Variants in OTOF observed in about 807,000 individuals in gnomAD.
OTOF encodes the protein fer-1-like family member 2.
Under a neutral mutation model 236.8 loss-of-function variants are expected in OTOF, and 218 were observed. The observed-to-expected ratio is 0.92, with a 90% CI of 0.82 to 1.03. The LOEUF (loss-of-function observed/expected upper bound fraction) is 1.03, where lower values mean the gene tolerates loss of function less well. OTOF is among the 50% of genes least tolerant of loss of function. The pLI, the probability that OTOF is intolerant of heterozygous loss-of-function variation, is 0.00. For synonymous variants in OTOF, 1,041 were observed against 1,072.5 expected (o/e 0.97, Z 0.57); for missense variants, 2,590 against 2,694.4 (o/e 0.96, Z 0.86).
chr2:26,476,735 C>T (rs1434034104), intron 22 of OTOF, among the ~76,000 whole-genome samples, 156 bp downstream of exon 22: 1 of 125,426 alleles, frequency 8.0e-6, no homozygotes, highest in Non-Finnish European at 1.7e-5. Flanking sequence ...CACCTCCTTC[C>T]CCACCCCTTC....
chr2:26,470,776 C>G lies in OTOF; in HGVS notation c.3895-55G>C. The G allele has an allele frequency of 6.3e-7, 1 of 1,592,748 alleles. No homozygotes were observed. Among genetic ancestry groups the G allele is most frequent in the Non-Finnish European group, 8.5e-7 (1 of 1,173,156 alleles). ...ATGGACTCCTCCTGCCTGGACAATC[C>G]CGAGAGCCTCCACCCATTCCGCCAT... On this transcript the variant is annotated intron_variant, in intron 31 of 46. Transcript: ENST00000272371. This position sits in a 1 kb window ranked among gnomAD's most constrained non-coding sequence, Gnocchi z 4.3.
chr2:26,514,445 G>A (rs1000323740), intron 5 of OTOF, among the ~76,000 whole-genome samples: 1 of 152,238 alleles, frequency 6.6e-6, no homozygotes, highest in African/African-American at 2.4e-5. Context: ...AGGGCTCTCT[G>A]GGACTCTAAG....
Position 26,465,977 on chromosome 2 carries a change from A to C in OTOF, c.4600T>G (p.Ser1534Ala). 1.2e-6 allele frequency: 2 copies of C among 1,614,154 alleles called. No homozygotes were observed. Among genetic ancestry groups the C allele is most frequent in the Non-Finnish European group, 1.7e-6 (2 of 1,180,016 alleles). ...CCAAAGACAGGGTTGAGCTGCTTGG[A>C]GATGTAGTTCTCCTTGTCGCGGATG... Reference protein sequence around the residue: ...TDIRDKENYISKQLNPVFGKS... With the variant: ...TDIRDKENYIAKQLNPVFGKS... Residue 1534 changes from serine (S) to alanine (A), a missense_variant, in exon 37 of 47, where the codon TCC (serine) becomes GCC (alanine). Physicochemically the swap from Ser to Ala is moderately conservative, Grantham distance 99 (BLOSUM62 1). Coordinates refer to ENST00000272371, the MANE Select transcript of OTOF (RefSeq NM_194248.3).
chr2:26,472,336 C>T, intron 30 of OTOF, 183 bp downstream of exon 30: 1 of 735,108 alleles, frequency 1.4e-6, no homozygotes, highest in Admixed American at 2.0e-5. Flanking sequence ...CACGCGTGTG[C>T]ATTCCAGGAT....
At position 26,473,503 on chromosome 2, in the gene OTOF, A is replaced by C; in HGVS notation, c.3473T>G (p.Val1158Gly). 6.2e-7 allele frequency: 1 copy of C among 1,612,784 alleles called. No individual in the cohort carries two copies. The highest frequency in any genetic ancestry group is 8.5e-7 in the Non-Finnish European group (1 of 1,179,914). The change falls in exon 28 of 47, where the codon GTG becomes GGG. Residue 1158 changes from valine to glycine, a missense_variant. Transcript: ENST00000272371. The surrounding 1 kb of genome is among the most constrained non-coding windows in gnomAD (Gnocchi z 7.2). ...CCCCTTCCCTGCACACTCGATGTCC[A>C]CCCGTGGCCGGTCCACCTGGGCCAG... Reference protein sequence around the residue: ...VNLAQVDRPRVDIECAGKGVQ... With the variant: ...VNLAQVDRPRGDIECAGKGVQ...
Position 26,466,018 on chromosome 2 carries a change from C to A in OTOF, c.4559G>T (p.Arg1520Leu). The A allele has an allele frequency of 6.2e-7, 1 of 1,614,216 alleles. No individual in the cohort carries two copies. ...GTCGCGGATGTCAGTCTTGCCTAGC[C>A]GGATGGCGATGTAGGGGTCAGCTTT... is the stretch of plus-strand genomic sequence containing the variant. ...NGKADPYIAIRLGKTDIRDKE... is the reference protein window; with the variant it reads ...NGKADPYIAILLGKTDIRDKE... The change falls in exon 37 of 47, where the codon CGG becomes CTG. Residue 1520 changes from arginine (R) to leucine (L), a missense_variant. Transcript: ENST00000272371.
chr2:26,489,648 C>T (rs776821497), intron 10 of OTOF, 30 bp downstream of exon 10: 3 of 1,592,510 alleles, frequency 1.9e-6, no homozygotes, highest in East Asian at 2.2e-5. Context: ...AGGGAGTGGC[C>T]CTGCCGGCCA....
chr2:26,480,181 C>A (rs762490517), intron 16 of OTOF, 22 bp downstream of exon 16: 1 of 1,457,330 alleles, frequency 6.9e-7, no homozygotes, highest in Non-Finnish European at 9.6e-7. Flanking sequence ...AGGCCCGAAG[C>A]CCCCGTGGGC....
intron 11 of OTOF, among the ~76,000 whole-genome samples, chr2:26,488,026 G>C (rs973646943): frequency 2.3e-4 from 35 of 152,340 alleles, no homozygotes; most frequent in African/African-American, 8.2e-4. Context: ...ATGTTTTTCA[G>C]GTCTTGGGCA....
chr2:26,490,139 C>A (rs1665804943), intron 9 of OTOF, among the ~76,000 whole-genome samples: 1 of 152,200 alleles, frequency 6.6e-6, no homozygotes, highest in Admixed American at 6.5e-5. Context: ...GTTTTTTGAG[C>A]TGTGAAATGG....
intron 4 of OTOF, among the ~76,000 whole-genome samples, chr2:26,518,236 A>G (rs998905352): frequency 6.6e-6 from 1 of 152,246 alleles, no homozygotes; most frequent in African/African-American, 2.4e-5. Flanking sequence ...TAACAATATT[A>G]TAGATTTATT....
chr2:26,508,811 GTCTCC>G (rs1666314448), intron 5 of OTOF, among the ~76,000 whole-genome samples: 1 of 152,152 alleles, frequency 6.6e-6, no homozygotes, highest in South Asian at 2.1e-4. Flanking sequence ...ATTGAAATCT[GTCTCC>G]ACAGTTTTCT....
At position 26,462,235 on chromosome 2, in the gene OTOF, G is replaced by C; in HGVS notation, c.5193-54C>G. ...CAGCCCCAGGTGGGGGTTATGCCAGGGTGCCAGGGCTGGGATGGGGCAGGC... is the reference window on the plus strand; with the variant it reads ...CAGCCCCAGGTGGGGGTTATGCCAGCGTGCCAGGGCTGGGATGGGGCAGGC... On this transcript the variant is annotated intron_variant, in intron 41 of 46. Transcript: ENST00000272371. The surrounding 1 kb of genome is among the most constrained non-coding windows in gnomAD (Gnocchi z 4.7). 1.3e-6 allele frequency: 2 copies of C among 1,502,448 alleles called. No individual in the cohort carries two copies. The highest frequency in any genetic ancestry group is 9.3e-7 in the Non-Finnish European group (1 of 1,078,944). 93.1% of individuals were successfully genotyped at this position (1,502,448 alleles called of 1,614,324 possible).
Position 26,461,605 on chromosome 2 carries a change from C to A in OTOF, c.5533+91G>T. The A allele has an allele frequency of 2.6e-6, 4 of 1,565,028 alleles. No individual in the cohort carries two copies. The highest frequency in any genetic ancestry group is 2.7e-5 in the African/African-American group (2 of 74,240). On this transcript the variant is annotated intron_variant, in intron 43 of 46. Transcript: ENST00000272371. This position sits in a 1 kb window ranked among gnomAD's most constrained non-coding sequence, Gnocchi z 6.2. Reference sequence around the variant, plus strand: ...CTGGAAGCAATGACCCCTTGTCCCCCCAAGGCAGGGCTCTCCCTGTCCCCG... The same window carrying A: ...CTGGAAGCAATGACCCCTTGTCCCCACAAGGCAGGGCTCTCCCTGTCCCCG...
chr2:26,511,494 C>T (rs1261933297), intron 5 of OTOF, among the ~76,000 whole-genome samples: 1 of 152,198 alleles, frequency 6.6e-6, no homozygotes, highest in Non-Finnish European at 1.5e-5. Context: ...GCAAATTATT[C>T]CTCTCCTCAC....
intron 11 of OTOF, among the ~76,000 whole-genome samples, chr2:26,486,437 G>C (rs1039254135): frequency 6.6e-6 from 1 of 152,168 alleles, no homozygotes; most frequent in Admixed American, 6.5e-5. Context: ...TGGATTTGTA[G>C]ATGGGTGGGT....
chr2:26,513,946 C>T (rs1005272909), intron 5 of OTOF, among the ~76,000 whole-genome samples: 3 of 152,190 alleles, frequency 2.0e-5, no homozygotes, highest in Non-Finnish European at 4.4e-5. Context: ...TCCAGGTCCC[C>T]CTCCTCACCT....
intron 3 of OTOF, among the ~76,000 whole-genome samples, chr2:26,520,272 AG>A (rs1475753163): frequency 1.3e-5 from 2 of 152,210 alleles, no homozygotes; most frequent in Non-Finnish European, 2.9e-5. Flanking sequence ...TGAGATTTAT[AG>A]AGGAAGACAG....
chr2:26,533,247 C>T (rs1002907779), intron 2 of OTOF, among the ~76,000 whole-genome samples: 3 of 152,206 alleles, frequency 2.0e-5, no homozygotes, highest in Admixed American at 1.3e-4. Context: ...CAGCCACCAC[C>T]ATCCCAGTCT....
Sources: allele counts gnomAD v4.1 joint callset (sites outside exome capture counted in the v4.1 genomes callset), GRCh38; gene constraint gnomAD v4.1.1; non-coding constraint Gnocchi (gnomAD v3.1); transcripts MANE v1.5; gene names NCBI Gene and HGNC (gene_info 2026-07-23, HGNC 2026-07-21).